The following ASCC3 variants were observed in gnomAD, a reference collection of about 807,000 sequenced individuals.
The protein encoded by ASCC3 is activating signal cointegrator 1 complex subunit 3.
A neutral mutation model predicts 256.3 loss-of-function variants in ASCC3; 158 were observed. That is an observed-to-expected ratio of 0.62 (90% CI 0.54 to 0.70). ASCC3 has a LOEUF of 0.70. Among genes scored for constraint, ASCC3 ranks in the 30% least tolerant of loss-of-function variants. The pLI is 0.00. For synonymous variants in ASCC3, 948 were observed against 883.4 expected (o/e 1.07, Z -1.30); for missense variants, 2,259 against 2,626.0 (o/e 0.86, Z 3.05).
At chr6:100,530,418 C>A in intron 37 of ASCC3, 1 of 950,592 alleles carries the variant, frequency 1.1e-6, no homozygotes, top group Non-Finnish European at 1.7e-6. Context: ...TTTCCAAAAT[C>A]CTGAACTTTA....
intron 10 of ASCC3, among the ~76,000 whole-genome samples, chr6:100,739,091 T>C (rs1261209153): frequency 6.6e-6 from 1 of 152,202 alleles, no homozygotes; most frequent in East Asian, 1.9e-4. Context: ...CATATATGGT[T>C]CTTATTATTT....
intron 4 of ASCC3, among the ~76,000 whole-genome samples, chr6:100,817,661 T>G (rs1222975160): frequency 5.3e-5 from 8 of 151,974 alleles, no homozygotes; most frequent in Non-Finnish European, 1.2e-4. Flanking sequence ...TATCAATATA[T>G]TATATACATT....
intron 4 of ASCC3, among the ~76,000 whole-genome samples, chr6:100,831,345 A>G (rs186465826): frequency 2.4e-3 from 365 of 152,030 alleles, no homozygotes; most frequent in African/African-American, 8.3e-3. Flanking sequence ...AGGAAAAAAA[A>G]CAAACAAAAA....
intron 13 of ASCC3, among the ~76,000 whole-genome samples, chr6:100,700,197 G>A (rs879196339): frequency 6.6e-6 from 1 of 152,142 alleles, no homozygotes; most frequent in Admixed American, 6.5e-5. Context: ...GGGTCCCCAT[G>A]CTGCGTGCAG....
chr6:100,701,327 G>C (rs537802984), intron 13 of ASCC3, among the ~76,000 whole-genome samples: 2 of 152,212 alleles, frequency 1.3e-5, no homozygotes, highest in East Asian at 3.9e-4. Flanking sequence ...AAGATCTGAT[G>C]GTTTTAAAAA....
intron 36 of ASCC3, among the ~76,000 whole-genome samples, chr6:100,583,288 T>G (rs1383759614): frequency 6.6e-6 from 1 of 152,232 alleles, no homozygotes; most frequent in Non-Finnish European, 1.5e-5. Flanking sequence ...TATTCAGAGA[T>G]TCAACTTCTT....
chr6:100,751,703 C>A (rs10872634), intron 10 of ASCC3, among the ~76,000 whole-genome samples: 1 of 151,832 alleles, frequency 6.6e-6, no homozygotes, highest in African/African-American at 2.4e-5. Context: ...TTACTGCTAA[C>A]GCCAAGTTGC....
chr6:100,641,973 T>C (rs1294842853), intron 24 of ASCC3, among the ~76,000 whole-genome samples: 8 of 133,108 alleles, frequency 6.0e-5, no homozygotes, highest in Admixed American at 5.4e-4. Flanking sequence ...TGAGAACACA[T>C]GGACACAGGA....
chr6:100,849,582 A>G (rs1198061767), intron 3 of ASCC3, among the ~76,000 whole-genome samples: 1 of 152,190 alleles, frequency 6.6e-6, no homozygotes, highest in Non-Finnish European at 1.5e-5. Flanking sequence ...CTCCTGTTTA[A>G]AAGAGGCTAG....
At chr6:100,643,699 C>A (rs1269604586) in intron 23 of ASCC3, among the ~76,000 whole-genome samples, 1 of 152,092 alleles carries the variant, frequency 6.6e-6, no homozygotes, top group Non-Finnish European at 1.5e-5. Context: ...TACCTATCTA[C>A]ACATATTTAA....
chr6:100,800,243 G>T, intron 6 of ASCC3, 57 bp downstream of exon 6: 2 of 1,544,138 alleles, frequency 1.3e-6, no homozygotes, highest in South Asian at 1.1e-5. Flanking sequence ...AAGTGATAAT[G>T]ATATGTAAAA....
At chr6:100,574,428 G>C (rs568964795) in intron 36 of ASCC3, among the ~76,000 whole-genome samples, 1 of 152,086 alleles carries the variant, frequency 6.6e-6, no homozygotes, top group African/African-American at 2.4e-5. Flanking sequence ...TCTTTTCCCT[G>C]TTGGGAGCTG....
chr6:100,600,158 T>C (rs576177553), intron 34 of ASCC3, among the ~76,000 whole-genome samples: 20 of 151,714 alleles, frequency 1.3e-4, no homozygotes, highest in Admixed American at 2.6e-4. Flanking sequence ...AAATGATAAA[T>C]ATATCTACAG....
At chr6:100,798,634 A>G (rs1769751181) in intron 8 of ASCC3, 79 bp downstream of exon 8, 5 of 1,599,290 alleles carry the variant, frequency 3.1e-6, no homozygotes. Flanking sequence ...AATGTTTTAA[A>G]ACAATTTTTC....
intron 12 of ASCC3, 30 bp downstream of exon 12, chr6:100,718,045 T>A (rs1448877321): frequency 1.3e-6 from 2 of 1,599,502 alleles, no homozygotes; most frequent in Admixed American, 3.4e-5. Context: ...ACAAAAATAT[T>A]TTTAGATAAG....
chr6:100,563,347 T>A (rs147591814), intron 36 of ASCC3, among the ~76,000 whole-genome samples: 4 of 152,218 alleles, frequency 2.6e-5, no homozygotes, highest in African/African-American at 9.6e-5. Flanking sequence ...TAATTCTTAA[T>A]CTAGCTGAAG....
At position 100,848,235 on chromosome 6, in the gene ASCC3, C is replaced by A; in HGVS notation, c.714G>T (p.Met238Ile). ...GATCTTCTACTCTTGGCACTTCAGT[C>A]ATTTCCTTCAAAGTTGAATTTAGGT... ...EKYLNSTLKE[M>I]TEVPRVEDLC... Residue 238 changes from methionine (M) to isoleucine (I), a missense_variant, in exon 4 of 42, where the codon ATG becomes ATT. Physicochemically the swap from Met to Ile is conservative, Grantham distance 10. Around this residue, in one of 2 missense-constraint regions of ASCC3, gnomAD observed 420 missense variants for 419.3 expected, o/e 1.00. Transcript: ENST00000369162. The A allele has an allele frequency of 6.2e-7, 1 of 1,613,994 alleles. No homozygotes were observed. The highest frequency in any genetic ancestry group is 1.1e-5 in the South Asian group (1 of 91,010).
Position 100,614,025 on chromosome 6 carries a change from T to C in ASCC3, c.4786-6937A>G, listed in dbSNP as rs543361796. ...TAAAAGCAGTATCAAAACTGGGTTG[T>C]AGGGTAAGATATTAAAGATTTTTTC... On this transcript the variant is annotated intron_variant, in intron 30 of 41. Coordinates refer to ENST00000369162, the MANE Select transcript of ASCC3 (RefSeq NM_006828.4). Among the ~76,000 whole-genome samples, 4 of 152,292 alleles carry C rather than the reference T, an allele frequency of 2.6e-5. No individual in the cohort carries two copies. In the East Asian group the frequency reaches 7.7e-4, roughly 29 times the overall value.
At chr6:100,728,382 A>G (rs1332201278) in intron 10 of ASCC3, among the ~76,000 whole-genome samples, 3 of 152,032 alleles carry the variant, frequency 2.0e-5, no homozygotes, top group Admixed American at 2.0e-4. Flanking sequence ...GAACTCTCCT[A>G]AAGTAACGGT....
Sources: allele counts gnomAD v4.1 joint callset (sites outside exome capture counted in the v4.1 genomes callset), GRCh38; gene constraint gnomAD v4.1.1; regional missense constraint gnomAD v4.1.1; transcripts MANE v1.5; gene names NCBI Gene and HGNC (gene_info 2026-07-23, HGNC 2026-07-21).